PKHD1: variants seen among roughly 807,000 people sequenced by gnomAD.
The protein encoded by PKHD1 is PKHD1 ciliary IPT domain containing fibrocystin/polyductin.
In PKHD1, 291 loss-of-function variants were observed where a neutral mutation model predicts 412.0. That is an observed-to-expected ratio of 0.71 (90% CI 0.64 to 0.78). The LOEUF is 0.78. PKHD1 is among the 30% of genes least tolerant of loss of function. PKHD1 has a pLI of 0.00. For missense variants in PKHD1, 4,825 were observed against 4,950.7 expected (o/e 0.97, Z 0.76); for synonymous variants, 1,777 against 1,821.5 (o/e 0.98, Z 0.62).
intron 27 of PKHD1, among the ~76,000 whole-genome samples, chr6:52,041,693 C>T (rs930874685): frequency 3.3e-5 from 5 of 152,094 alleles, no homozygotes; most frequent in Admixed American, 6.5e-5. Flanking sequence ...TACAATCCTC[C>T]TAGAAATCCC....
At chr6:51,734,771 C>A (rs1255999) in intron 60 of PKHD1, among the ~76,000 whole-genome samples, 118,755 of 152,134 alleles carry the variant, frequency 0.78, 47,141 homozygotes, top group East Asian at 0.98. Flanking sequence ...ATTTTGCCAC[C>A]TGACGAGTAC....
intron 52 of PKHD1, among the ~76,000 whole-genome samples, chr6:51,827,626 C>A (rs1767536915): frequency 6.6e-6 from 1 of 152,118 alleles, no homozygotes; most frequent in Non-Finnish European, 1.5e-5. Flanking sequence ...TTCCATGAAG[C>A]CACCTTTACC....
intron 41 of PKHD1, among the ~76,000 whole-genome samples, chr6:51,905,839 T>A (rs1205807584): frequency 6.6e-6 from 1 of 152,160 alleles, no homozygotes; most frequent in East Asian, 1.9e-4. Flanking sequence ...GGAGCTTGAA[T>A]TCTATTAAGA....
At chr6:51,648,479 G>A (rs557661171) in intron 62 of PKHD1, among the ~76,000 whole-genome samples, 1 of 152,288 alleles carries the variant, frequency 6.6e-6, no homozygotes, top group East Asian at 1.9e-4. Flanking sequence ...AAAGTTGACA[G>A]GTTTTCAAGT....
At chr6:51,756,836 T>C (rs774932739) in intron 55 of PKHD1, among the ~76,000 whole-genome samples, 8 of 152,162 alleles carry the variant, frequency 5.3e-5, no homozygotes, top group Non-Finnish European at 1.2e-4. Context: ...AGTTAGTATT[T>C]CTCAGTAGTC....
At chr6:51,696,008 C>T (rs1026971819) in intron 60 of PKHD1, among the ~76,000 whole-genome samples, 6 of 152,190 alleles carry the variant, frequency 3.9e-5, no homozygotes, top group Admixed American at 3.3e-4. Flanking sequence ...GCTCCCAAAA[C>T]TACATCTATT....
chr6:51,982,371 G>A (rs1288548126), intron 35 of PKHD1, among the ~76,000 whole-genome samples: 18 of 117,948 alleles, frequency 1.5e-4, no homozygotes, highest in South Asian at 3.2e-4. Context: ...ATAGAAAGGC[G>A]GGAAGGGTGG....
intron 52 of PKHD1, among the ~76,000 whole-genome samples, chr6:51,818,921 T>C (rs1765921351): frequency 6.6e-6 from 1 of 152,198 alleles, no homozygotes; most frequent in African/African-American, 2.4e-5. Flanking sequence ...AACAGATTTT[T>C]ATGTAAGAGA....
chr6:51,694,471 C>G (rs946678304), intron 60 of PKHD1, among the ~76,000 whole-genome samples: 1 of 151,350 alleles, frequency 6.6e-6, no homozygotes, highest in African/African-American at 2.4e-5. Flanking sequence ...GCAACCTCTC[C>G]CTCCCTGGTT....
chr6:51,721,662 A>G, intron 60 of PKHD1: 1 of 1,206,944 alleles, frequency 8.3e-7, no homozygotes. Context: ...CTACTCCCCC[A>G]TATCTGCTAC....
chr6:51,914,945 C>T (rs1180047325), intron 37 of PKHD1, among the ~76,000 whole-genome samples: 5 of 152,072 alleles, frequency 3.3e-5, no homozygotes, highest in African/African-American at 4.8e-5. Context: ...TCCTACAAAC[C>T]TTGTAGTGAT....
intron 35 of PKHD1, among the ~76,000 whole-genome samples, chr6:51,984,180 T>A (rs1277449285): frequency 1.3e-5 from 2 of 152,372 alleles, no homozygotes; most frequent in East Asian, 3.9e-4. Flanking sequence ...GTATTCTTTA[T>A]GGGTAATGCC....
intron 37 of PKHD1, among the ~76,000 whole-genome samples, chr6:51,927,192 A>T (rs1259733560): frequency 6.6e-6 from 1 of 152,086 alleles, no homozygotes; most frequent in Non-Finnish European, 1.5e-5. Context: ...GCCAAATAAC[A>T]ACCGCAAAAT....
At chr6:51,619,572 A>T in intron 66 of PKHD1, 52 bp from the exon 67 acceptor site, 1 of 1,449,492 alleles carries the variant, frequency 6.9e-7, no homozygotes. Flanking sequence ...CAACCAGTTA[A>T]TTACACATTT....
rs148617572 is a variant in PKHD1, at chr6:51,659,682, G to A, written c.10444C>T (p.Arg3482Cys). ...CTTTTGTTCCCCAATAGAAAAAAGC[G>A]CAAAACTTGAGGAGTTTGATCCATG... The part of the protein sequence containing the change: ...CFMDQTPQVL[R>C]FFLLGNKSTS... The change falls in exon 61 of 67, where the codon CGC becomes TGC. Residue 3482 changes from arginine (R) to cysteine (C), a missense_variant. Arg to Cys is a radical substitution (Grantham distance 180, BLOSUM62 -3). Transcript: ENST00000371117. 2.4e-5 allele frequency: 38 copies of A among 1,613,826 alleles called. No homozygotes were observed. Among genetic ancestry groups the A allele is most frequent in the Middle Eastern group, 1.7e-4 (1 of 6,058 alleles).
chr6:51,988,435 C>G (rs1038203146), intron 35 of PKHD1, among the ~76,000 whole-genome samples: 1 of 152,162 alleles, frequency 6.6e-6, no homozygotes, highest in African/African-American at 2.4e-5. Flanking sequence ...ACAAAAAACA[C>G]ATACTACATA....
At chr6:51,872,484 C>A (rs1776134011) in intron 46 of PKHD1, among the ~76,000 whole-genome samples, 1 of 152,086 alleles carries the variant, frequency 6.6e-6, no homozygotes, top group Non-Finnish European at 1.5e-5. Flanking sequence ...TCTCGGCTCA[C>A]TGCAACCTCT....
At chr6:51,655,344 T>A (rs981151889) in intron 61 of PKHD1, among the ~76,000 whole-genome samples, 1 of 152,146 alleles carries the variant, frequency 6.6e-6, no homozygotes, top group African/African-American at 2.4e-5. Context: ...TAAAGGTGAC[T>A]GAATGCCAAA....
chr6:51,780,540 G>C (rs529881861), intron 53 of PKHD1, among the ~76,000 whole-genome samples: 1 of 151,874 alleles, frequency 6.6e-6, no homozygotes, highest in East Asian at 1.9e-4. Flanking sequence ...AAAAGAGTAA[G>C]AGAACAGCTA....
Sources: gnomAD v4.1 joint callset for allele counts (sites outside exome capture counted in the v4.1 genomes callset) on GRCh38, gnomAD v4.1.1 for gene constraint, MANE v1.5 for transcripts, NCBI Gene and HGNC (gene_info 2026-07-23, HGNC 2026-07-21) for gene names.